Variants in SCRG1 observed in about 807,000 individuals in gnomAD.
SCRG1 encodes the protein scrapie-responsive protein 1.
A neutral mutation model predicts 7.7 loss-of-function variants in SCRG1; 3 were observed. The observed-to-expected ratio is 0.39, with a 90% CI of 0.18 to 1.01. The LOEUF (loss-of-function observed/expected upper bound fraction) is 1.01, where lower values mean the gene tolerates loss of function less well. Ranked by LOEUF, SCRG1 falls within the 50% of genes least tolerant of loss-of-function variation. The pLI, the probability that SCRG1 is intolerant of heterozygous loss-of-function variation, is 0.36. For missense variants in SCRG1, 110 were observed against 117.2 expected (o/e 0.94, Z 0.28); for synonymous variants, 46 against 41.2 (o/e 1.12, Z -0.44).
chr4:173,434,601 C>T, the SCRG1 span, among the ~76,000 whole-genome samples: 9 of 152,240 alleles, frequency 5.9e-5, no homozygotes, highest in South Asian at 1.2e-3. Context: ...GAGGCCTAGG[C>T]GGGTGGATTA....
chr4:173,422,326 A>G, the SCRG1 span, among the ~76,000 whole-genome samples: 1 of 152,210 alleles, frequency 6.6e-6, no homozygotes, highest in Non-Finnish European at 1.5e-5. Context: ...TATGATCATG[A>G]GTAGCTTCAC....
chr4:173,391,302 C>G lies in SCRG1; in HGVS notation c.113G>C (p.Cys38Ser). ...AGCTACTCCTTCCGGAAGGTTGTGA[C>G]AGTTGTGATCTTTTAGTATCTTTCT... ...CYRKILKDHN[C>S]HNLPEGVADL... Residue 38 changes from cysteine to serine, a missense_variant, in exon 2 of 3, where the codon TGT becomes TCT. By Grantham distance (112) the Cys-to-Ser change is moderately radical. Coordinates refer to ENST00000296506, the MANE Select transcript of SCRG1 (RefSeq NM_007281.4). 2 of 1,614,168 alleles carry G rather than the reference C, an allele frequency of 1.2e-6. No individual in the cohort carries two copies. The highest frequency in any genetic ancestry group is 2.2e-5 in the South Asian group (2 of 91,088).
the SCRG1 span, among the ~76,000 whole-genome samples, chr4:173,484,727 G>GCA: frequency 9.5e-5 from 8 of 84,174 alleles, no homozygotes; most frequent in Non-Finnish European, 1.6e-4. Flanking sequence ...TATATTATAT[G>GCA]CATATAATAC....
the SCRG1 span, among the ~76,000 whole-genome samples, chr4:173,513,002 A>G: frequency 1.5e-3 from 233 of 152,298 alleles, no homozygotes; most frequent in African/African-American, 5.3e-3. Context: ...GTATTTCCCA[A>G]TCCCCCACCT....
chr4:173,421,995 G>A, the SCRG1 span, among the ~76,000 whole-genome samples: 1 of 152,200 alleles, frequency 6.6e-6, no homozygotes, highest in Non-Finnish European at 1.5e-5. Flanking sequence ...ATGTAAAGAT[G>A]CCAAGTGTGC....
the SCRG1 span, among the ~76,000 whole-genome samples, chr4:173,482,949 A>C: frequency 0.084 from 11,310 of 134,528 alleles, 562 homozygotes; most frequent in Middle Eastern, 0.12. Context: ...GAAATATATA[A>C]TATATTGTAC....
the SCRG1 span, chr4:173,468,195 G>A: frequency 6.6e-6 from 1 of 152,092 alleles, no homozygotes; most frequent in Non-Finnish European, 1.5e-5. Flanking sequence ...TCTATGTTTA[G>A]ATATGTTTAG....
chr4:173,484,128 T>TATATAATATAC, the SCRG1 span, among the ~76,000 whole-genome samples: 1 of 80,402 alleles, frequency 1.2e-5, no homozygotes, highest in Non-Finnish European at 2.1e-5. Flanking sequence ...ATACAATATA[T>TATATAATATAC]AATATATAAT....
chr4:173,469,501 CA>C, the SCRG1 span: 3 of 152,092 alleles, frequency 2.0e-5, no homozygotes, highest in East Asian at 5.8e-4. Context: ...ATTAAATTGG[CA>C]AGATTTTAGA....
the SCRG1 span, among the ~76,000 whole-genome samples, chr4:173,510,814 G>T: frequency 3.3e-5 from 5 of 152,144 alleles, no homozygotes; most frequent in African/African-American, 1.2e-4. The surrounding 1 kb of genome is among the most constrained non-coding windows in gnomAD (Gnocchi z 5.7). Flanking sequence ...GCCTGTCCAC[G>T]TTGTCACCAG....
chr4:173,400,942 G>C (rs955201630), upstream of SCRG1, among the ~76,000 whole-genome samples: 2 of 152,226 alleles, frequency 1.3e-5, no homozygotes, highest in African/African-American at 4.8e-5. Flanking sequence ...AAACTGAGAA[G>C]AGGTAGCCAA....
chr4:173,491,543 T>G, the SCRG1 span, among the ~76,000 whole-genome samples: 3 of 152,178 alleles, frequency 2.0e-5, no homozygotes, highest in African/African-American at 7.2e-5. Context: ...TGGCATATAT[T>G]CAGTCTTATC....
At chr4:173,459,210 T>A in the SCRG1 span, among the ~76,000 whole-genome samples, 10 of 152,304 alleles carry the variant, frequency 6.6e-5, no homozygotes, top group African/African-American at 2.4e-4. Flanking sequence ...ACTGATCATC[T>A]AGAAAGAAAA....
At chr4:173,416,286 C>T in the SCRG1 span, among the ~76,000 whole-genome samples, 1 of 152,266 alleles carries the variant, frequency 6.6e-6, no homozygotes, top group Non-Finnish European at 1.5e-5. Flanking sequence ...TGCTCACTCC[C>T]AACGCACGGC....
chr4:173,433,284 AC>A, the SCRG1 span, among the ~76,000 whole-genome samples: 1 of 152,226 alleles, frequency 6.6e-6, no homozygotes, highest in Non-Finnish European at 1.5e-5. Context: ...AAGTTCCTTT[AC>A]TGCAAGACTT....
At chr4:173,485,840 C>G in the SCRG1 span, among the ~76,000 whole-genome samples, 1 of 151,996 alleles carries the variant, frequency 6.6e-6, no homozygotes, top group Non-Finnish European at 1.5e-5. Context: ...TGTGGTGGCA[C>G]ACACCTGTAA....
the SCRG1 span, among the ~76,000 whole-genome samples, chr4:173,484,652 T>A: frequency 1.2e-3 from 110 of 93,518 alleles, no homozygotes; most frequent in African/African-American, 5.1e-3. Flanking sequence ...ATAATATATA[T>A]TATATATTAT....
the SCRG1 span, among the ~76,000 whole-genome samples, chr4:173,442,764 T>C: frequency 1.4e-3 from 208 of 152,270 alleles, 1 homozygote; most frequent in African/African-American, 4.6e-3. Flanking sequence ...AGTGAGGACG[T>C]GGGACAAAGA....
chr4:173,465,109 T>G, the SCRG1 span, among the ~76,000 whole-genome samples: 4 of 152,172 alleles, frequency 2.6e-5, no homozygotes, highest in Non-Finnish European at 5.9e-5. Context: ...TGGGAAGTTA[T>G]TCTGAAATGG....
Sources: allele counts gnomAD v4.1 joint callset (sites outside exome capture counted in the v4.1 genomes callset), GRCh38; gene constraint gnomAD v4.1.1; non-coding constraint Gnocchi (gnomAD v3.1); transcripts MANE v1.5; gene names NCBI Gene and HGNC (gene_info 2026-07-23, HGNC 2026-07-21).